OFD1: variants seen among roughly 807,000 people sequenced by gnomAD.
The protein encoded by OFD1 is OFD1 centriole and centriolar satellite protein, also known as centriole and centriolar satellite protein OFD1.
Under a neutral mutation model 81.4 loss-of-function variants are expected in OFD1, and 12 were observed. The observed-to-expected ratio is 0.15, with a 90% CI of 0.09 to 0.24. The LOEUF (loss-of-function observed/expected upper bound fraction) is 0.24, where lower values mean the gene tolerates loss of function less well. OFD1 is among the 10% of genes least tolerant of loss of function. The pLI is 1.00. For missense variants in OFD1, 685 were observed against 733.9 expected, an observed-to-expected ratio of 0.93 and a Z score of 0.77; for synonymous variants, 256 against 263.7, an observed-to-expected ratio of 0.97 and a Z score of 0.28.
Position 13,768,746 on chromosome X carries a change from C to T in OFD1, c.2957C>T (p.Ser986Phe), listed in dbSNP as rs779711758. The T allele has an allele frequency of 8.3e-7, 1 of 1,210,164 alleles. No homozygotes were observed. The highest frequency in any genetic ancestry group is 1.1e-6 in the Non-Finnish European group (1 of 894,209). ...TCAAAAAAGATGGTCCAAGAAGGCT[C>T]CCTAGTGGACACGCTGCAATCTAGT... is the stretch of plus-strand genomic sequence containing the variant. ...KSSKKMVQEG[S>F]LVDTLQSSDK... Residue 986 changes from serine to phenylalanine, a missense_variant, in exon 22 of 23, where the codon TCC becomes TTC. Ser to Phe is a radical substitution (Grantham distance 155, BLOSUM62 -2). This residue lies in a region of OFD1 where 259 missense variants were observed against 254.4 expected (regional missense o/e 1.02). Coordinates refer to ENST00000340096, the MANE Select transcript of OFD1 (RefSeq NM_003611.3).
intron 17 of OFD1, 44 bp downstream of exon 17, chrX:13,761,255 T>TA (rs2047916965): frequency 8.4e-7 from 1 of 1,183,901 alleles, no homozygotes; most frequent in Non-Finnish European, 1.1e-6. Flanking sequence ...TGAATAATGT[T>TA]ACTTGCTCTG....
chrX:13,742,595 C>T (rs2047148159), intron 5 of OFD1, among the ~76,000 whole-genome samples: 1 of 112,139 alleles, frequency 8.9e-6, no homozygotes, highest in Non-Finnish European at 1.9e-5. Context: ...GTGACCTCGG[C>T]TCACTGCAGC....
chrX:13,715,708 T>C, the OFD1 span: 1 of 675,958 alleles, frequency 1.5e-6, no homozygotes, highest in African/African-American at 2.3e-5. Context: ...GCTGCTTTCT[T>C]GCTGTCTTTA....
chrX:13,716,435 G>C, the OFD1 span: 1 of 1,026,634 alleles, frequency 9.7e-7, no homozygotes, highest in East Asian at 3.1e-5. Context: ...ACCTGACTGT[G>C]AAGTCTACAG....
At chrX:13,744,904 T>C (rs2047235312) in intron 6 of OFD1, among the ~76,000 whole-genome samples, 1 of 112,341 alleles carries the variant, frequency 8.9e-6, no homozygotes, top group Admixed American at 9.5e-5. Flanking sequence ...TATCACTTCA[T>C]TTTATAGTTG....
intron 11 of OFD1, among the ~76,000 whole-genome samples, chrX:13,754,223 C>T (rs188984195): frequency 0.022 from 2,491 of 110,948 alleles, 60 homozygotes; most frequent in African/African-American, 0.067. Context: ...CCTCGTGATC[C>T]GCCCGCCTCG....
chrX:13,773,053 A>C, downstream of OFD1: 3 of 1,196,631 alleles, frequency 2.5e-6, no homozygotes, highest in Non-Finnish European at 3.4e-6. Flanking sequence ...GGTGAGCATG[A>C]TGGCTAGTGA....
At chrX:13,716,604 C>A in the OFD1 span, 2 of 1,211,247 alleles carry the variant, frequency 1.7e-6, no homozygotes, top group East Asian at 3.0e-5. Flanking sequence ...ACATGTTGTT[C>A]GATAGCCACA....
chrX:13,771,170 T>C (rs745812256), downstream of OFD1: 3 of 112,176 alleles, frequency 2.7e-5, no homozygotes, highest in East Asian at 5.6e-4. Flanking sequence ...ATAAAAAATA[T>C]TAGACTACTT....
At chrX:13,725,241 G>C in the OFD1 span, among the ~76,000 whole-genome samples, 2 of 113,098 alleles carry the variant, frequency 1.8e-5, no homozygotes, top group African/African-American at 6.4e-5. Context: ...TCTGAAGAGA[G>C]CAGTGGCTCC....
At chrX:13,720,121 G>T in the OFD1 span, 1 of 375,653 alleles carries the variant, frequency 2.7e-6, no homozygotes, top group Non-Finnish European at 4.4e-6. Flanking sequence ...GCAGTTTCCA[G>T]TATACTAGCG....
chrX:13,719,775 T>C, the OFD1 span: 3 of 658,815 alleles, frequency 4.6e-6, no homozygotes, highest in South Asian at 6.8e-5. Context: ...CCTCATTTAA[T>C]TGTGGTGGAT....
intron 18 of OFD1, 104 bp from the exon 19 acceptor site, chrX:13,763,641 T>G: frequency 1.6e-6 from 1 of 612,893 alleles, no homozygotes. Flanking sequence ...CCAGTTACTT[T>G]GGCTTCAGTT....
chrX:13,741,973 T>C (rs1181990196), intron 5 of OFD1, among the ~76,000 whole-genome samples: 1 of 111,887 alleles, frequency 8.9e-6, no homozygotes, highest in Non-Finnish European at 1.9e-5. Context: ...TATATGCAGG[T>C]TACGGGGGTT....
chrX:13,732,736 G>T (rs1443939404), upstream of OFD1, among the ~76,000 whole-genome samples: 1 of 113,095 alleles, frequency 8.8e-6, no homozygotes, highest in Non-Finnish European at 1.9e-5. Context: ...GTGGGAGGAT[G>T]CTCAGTGAAC....
intron 6 of OFD1, among the ~76,000 whole-genome samples, chrX:13,745,130 C>T (rs1050109118): frequency 8.9e-6 from 1 of 112,175 alleles, no homozygotes; most frequent in Admixed American, 9.4e-5. Context: ...CCCTTCCTTA[C>T]TCTTAAATGG....
intron 11 of OFD1, among the ~76,000 whole-genome samples, chrX:13,754,926 T>A (rs1044100826): frequency 4.4e-5 from 5 of 112,599 alleles, no homozygotes; most frequent in African/African-American, 1.3e-4. Flanking sequence ...ATGGTATAAC[T>A]CTGGTTAGCA....
chrX:13,755,459 C>T, intron 12 of OFD1, among the ~76,000 whole-genome samples: 1 of 111,756 alleles, frequency 8.9e-6, no homozygotes, highest in East Asian at 2.8e-4. Flanking sequence ...GTCCTGCCCA[C>T]ATCCTGTCTG....
chrX:13,767,422 C>T (rs2048171914), intron 20 of OFD1, 138 bp downstream of exon 20: 1 of 589,890 alleles, frequency 1.7e-6, no homozygotes, highest in African/African-American at 2.3e-5. Flanking sequence ...TCCCTGTCCT[C>T]TCCTTGTCTT....
Sources: gnomAD v4.1 joint callset for allele counts (sites outside exome capture counted in the v4.1 genomes callset) on GRCh38, gnomAD v4.1.1 for gene constraint, gnomAD v4.1.1 regional missense constraint, MANE v1.5 for transcripts, NCBI Gene and HGNC (gene_info 2026-07-23, HGNC 2026-07-21) for gene names.